The following DOCK7 variants were observed in gnomAD, a reference collection of about 807,000 sequenced individuals.
The protein encoded by DOCK7 is dedicator of cytokinesis 7, also known as dedicator of cytokinesis protein 7.
Under a neutral mutation model 271.0 loss-of-function variants are expected in DOCK7, and 138 were observed. The ratio of observed to expected loss-of-function variants is 0.51; its 90% CI spans 0.44 to 0.59. The LOEUF (loss-of-function observed/expected upper bound fraction) is 0.59, where lower values mean the gene tolerates loss of function less well. Ranked by LOEUF, DOCK7 falls within the 20% of genes least tolerant of loss-of-function variation. The probability of loss-of-function intolerance (pLI) is 0.00; values close to 1 mark genes in which losing one functional copy is unlikely to be tolerated. For missense variants in DOCK7, 2,066 were observed against 2,592.4 expected, an observed-to-expected ratio of 0.80 and a Z score of 4.41; for synonymous variants, 823 against 876.1, an observed-to-expected ratio of 0.94 and a Z score of 1.07.
chr1:62,562,655 A>C (rs1056828847), intron 18 of DOCK7, among the ~76,000 whole-genome samples: 5 of 152,162 alleles, frequency 3.3e-5, no homozygotes, highest in Non-Finnish European at 7.4e-5. Context: ...AAATGAACAT[A>C]AAGACTGAAA....
At chr1:62,544,132 GA>G (rs1645624772) in intron 23 of DOCK7, among the ~76,000 whole-genome samples, 1 of 151,880 alleles carries the variant, frequency 6.6e-6, no homozygotes. Context: ...TTATATTAAA[GA>G]AAAGAAAAAG....
intron 18 of DOCK7, among the ~76,000 whole-genome samples, chr1:62,564,161 G>A (rs1388452626): frequency 6.6e-6 from 1 of 152,002 alleles, no homozygotes; most frequent in African/African-American, 2.4e-5. Context: ...AGATCAACAA[G>A]ACAGAAAATT....
intron 1 of DOCK7, among the ~76,000 whole-genome samples, chr1:62,665,916 C>A (rs927215577): frequency 6.6e-6 from 1 of 152,036 alleles, no homozygotes. Context: ...GTAAACCCAG[C>A]ACTTTAGGAG....
At chr1:62,657,642 G>A (rs1658182188) in intron 2 of DOCK7, among the ~76,000 whole-genome samples, 1 of 152,024 alleles carries the variant, frequency 6.6e-6, no homozygotes, top group Admixed American at 6.6e-5. Flanking sequence ...TAATTCAACA[G>A]CAATTGTAAA....
intron 33 of DOCK7, among the ~76,000 whole-genome samples, chr1:62,512,015 A>G (rs913172179): frequency 2.0e-5 from 3 of 152,322 alleles, no homozygotes; most frequent in African/African-American, 4.8e-5. Flanking sequence ...GAAGACTTCA[A>G]TTGTTATATT....
At chr1:62,518,322 A>G in intron 31 of DOCK7, among the ~76,000 whole-genome samples, 1 of 152,182 alleles carries the variant, frequency 6.6e-6, no homozygotes, top group East Asian at 1.9e-4. Flanking sequence ...CTGTAATCCC[A>G]GCACTTTGGG....
At chr1:62,686,068 G>A (rs1661688232) in intron 1 of DOCK7, among the ~76,000 whole-genome samples, 1 of 152,016 alleles carries the variant, frequency 6.6e-6, no homozygotes, top group Non-Finnish European at 1.5e-5. Context: ...TCTCTAAAGT[G>A]CACTTACTTT....
At chr1:62,626,732 C>T (rs1421702264) in intron 11 of DOCK7, among the ~76,000 whole-genome samples, 1 of 151,872 alleles carries the variant, frequency 6.6e-6, no homozygotes, top group Non-Finnish European at 1.5e-5. Context: ...AGACCTAAAA[C>T]AAGTAAAGAG....
chr1:62,534,026 T>C (rs1645260420), intron 29 of DOCK7, among the ~76,000 whole-genome samples: 1 of 151,568 alleles, frequency 6.6e-6, no homozygotes, highest in Non-Finnish European at 1.5e-5. Flanking sequence ...TGAGATGAAG[T>C]CTTGCTCTAT....
chr1:62,491,934 G>A (rs567832781), intron 41 of DOCK7, among the ~76,000 whole-genome samples: 1 of 152,300 alleles, frequency 6.6e-6, no homozygotes, highest in South Asian at 2.1e-4. Context: ...GTGGGTCTGG[G>A]CACAGTAGCT....
chr1:62,671,510 A>G (rs1443641841), intron 1 of DOCK7, among the ~76,000 whole-genome samples: 1 of 152,194 alleles, frequency 6.6e-6, no homozygotes, highest in East Asian at 1.9e-4. Flanking sequence ...AAGAATTTAG[A>G]GAGAGGAAAA....
chr1:62,596,234 A>G (rs1009130553), intron 14 of DOCK7, among the ~76,000 whole-genome samples: 23 of 152,258 alleles, frequency 1.5e-4, no homozygotes, highest in African/African-American at 5.3e-4. Context: ...CCCCAGCTTT[A>G]CAGATGAGGA....
intron 22 of DOCK7, among the ~76,000 whole-genome samples, chr1:62,550,795 C>T (rs1645869581): frequency 6.8e-6 from 1 of 146,430 alleles, no homozygotes; most frequent in African/African-American, 2.5e-5. Context: ...ATCTCGGCTC[C>T]CTGCAACCTC....
At chr1:62,623,019 C>T (rs751630613) in intron 12 of DOCK7, among the ~76,000 whole-genome samples, 22 of 152,158 alleles carry the variant, frequency 1.4e-4, no homozygotes, top group Non-Finnish European at 2.6e-4. Context: ...AGCGACCCCC[C>T]AGCCTTGGCC....
intron 1 of DOCK7, among the ~76,000 whole-genome samples, chr1:62,679,897 C>T (rs1275472493): frequency 6.6e-6 from 1 of 152,172 alleles, no homozygotes; most frequent in Non-Finnish European, 1.5e-5. Flanking sequence ...AGGACACAAA[C>T]AAATGGAAGA....
intron 7 of DOCK7, among the ~76,000 whole-genome samples, chr1:62,646,461 T>TA (rs1656678989): frequency 6.6e-6 from 1 of 151,930 alleles, no homozygotes; most frequent in Non-Finnish European, 1.5e-5. Flanking sequence ...ATAAGCCCTT[T>TA]AGGGCTTATT....
intron 48 of DOCK7, among the ~76,000 whole-genome samples, chr1:62,470,124 T>G (rs1645789238): frequency 6.6e-6 from 1 of 152,166 alleles, no homozygotes; most frequent in South Asian, 2.1e-4. Context: ...CACACACATA[T>G]TTATAGCAGC....
chr1:62,519,943 A>G (rs1321500568), intron 31 of DOCK7, among the ~76,000 whole-genome samples: 1 of 152,156 alleles, frequency 6.6e-6, no homozygotes, highest in East Asian at 1.9e-4. Context: ...CTCAGAAATA[A>G]CACCACACAT....
Position 62,555,969 on chromosome 1 carries a change from A to C in DOCK7, c.2452T>G (p.Phe818Val). The stretch of plus-strand genomic sequence containing the variant: ...TTTATAATTGATGCCATGGCTTCAA[A>C]AGATGCTTGACCTAGGTTAACTTTT... ...GQIVNLGQAS[F>V]EAMASIINRL... is the part of the protein sequence containing the mutation. The change falls in exon 21 of 50, where the codon TTT becomes GTT. Residue 818 changes from phenylalanine to valine, a missense_variant. Phe to Val is a conservative substitution (Grantham distance 50). This residue lies in a region of DOCK7 where 1,414 missense variants were observed against 1,670.4 expected (regional missense o/e 0.85). Coordinates refer to ENST00000635253, the MANE Select transcript of DOCK7 (RefSeq NM_001367561.1). 1 of 1,613,762 alleles carries C rather than the reference A, an allele frequency of 6.2e-7. No individual in the cohort carries two copies. Among genetic ancestry groups the C allele is most frequent in the Non-Finnish European group, 8.5e-7 (1 of 1,179,922 alleles).
Sources: allele counts gnomAD v4.1 joint callset (sites outside exome capture counted in the v4.1 genomes callset), GRCh38; gene constraint gnomAD v4.1.1; regional missense constraint gnomAD v4.1.1; transcripts MANE v1.5; gene names NCBI Gene and HGNC (gene_info 2026-07-23, HGNC 2026-07-21).